SLC20A2: variants seen among roughly 807,000 people sequenced by gnomAD.
The protein encoded by SLC20A2 is sodium-dependent phosphate transporter 2.
In SLC20A2, 30 loss-of-function variants were observed where a neutral mutation model predicts 61.0. That is an observed-to-expected ratio of 0.49 (90% CI 0.37 to 0.67). The LOEUF is 0.67. SLC20A2 is among the 30% of genes least tolerant of loss of function. SLC20A2 has a pLI of 0.00. For synonymous variants in SLC20A2, 351 were observed against 353.3 expected, an observed-to-expected ratio of 0.99 and a Z score of 0.07; for missense variants, 626 against 866.4, an observed-to-expected ratio of 0.72 and a Z score of 3.48.
intron 8 of SLC20A2, among the ~76,000 whole-genome samples, chr8:42,434,534 A>T (rs1040695516): frequency 4.6e-5 from 7 of 152,070 alleles, no homozygotes; most frequent in African/African-American, 1.7e-4. Context: ...CTGAAACTGG[A>T]TTCCAATTTG....
intron 1 of SLC20A2, among the ~76,000 whole-genome samples, chr8:42,485,905 T>A (rs1309943732): frequency 6.7e-6 from 1 of 149,214 alleles, no homozygotes; most frequent in Admixed American, 6.7e-5. Flanking sequence ...GAGATTGCGC[T>A]GCTGCACTCC....
upstream of SLC20A2, chr8:42,501,518 C>G (rs1464129196): frequency 6.6e-6 from 1 of 152,208 alleles, no homozygotes; most frequent in African/African-American, 2.4e-5. Flanking sequence ...TCTTCACAAG[C>G]AAAAGCAAAG....
intron 1 of SLC20A2, chr8:42,538,221 A>G (rs1812830600): frequency 1.3e-5 from 2 of 148,664 alleles, no homozygotes; most frequent in Admixed American, 1.4e-4. Flanking sequence ...CTGTATATAT[A>G]CATGTATATT....
chr8:42,526,449 G>A lies in SLC20A2; in HGVS notation c.-265+15372C>T, dbSNP rs562305520. 5.3e-5 allele frequency among the ~76,000 whole-genome samples: 8 copies of A among 151,966 alleles called. No homozygotes were observed. The South Asian group carries it at 6.2e-4, about 12-fold the overall frequency. On this transcript the variant is annotated intron_variant, in intron 1 of 10. Transcript: ENST00000342228. ...AGGACTTTGGGAGGCCAAGGTGGGC[G>A]GATCACTAGGTCAGGAGATCGAGAC...
intron 1 of SLC20A2, among the ~76,000 whole-genome samples, chr8:42,479,336 A>G (rs1808389846): frequency 6.6e-6 from 1 of 152,170 alleles, no homozygotes; most frequent in Non-Finnish European, 1.5e-5. Context: ...TCACTCAGAG[A>G]AAGTATGAGT....
At chr8:42,506,130 G>A (rs530548632), upstream of SLC20A2, among the ~76,000 whole-genome samples, 92 of 152,142 alleles carry the variant, frequency 6.0e-4, no homozygotes, top group Non-Finnish European at 1.1e-3. Flanking sequence ...TAGTAGAGAC[G>A]GGGTTTCGCC....
At chr8:42,470,216 AT>A (rs556198459) in intron 2 of SLC20A2, among the ~76,000 whole-genome samples, 20,028 of 132,850 alleles carry the variant, frequency 0.15, 3,199 homozygotes, top group African/African-American at 0.43. Flanking sequence ...CTTGAACCTG[AT>A]TTTTTTTTTT....
At chr8:42,438,062 C>CAAAAAAAAAAAA (rs1563455695) in intron 7 of SLC20A2, among the ~76,000 whole-genome samples, 1 of 96,866 alleles carries the variant, frequency 1.0e-5, no homozygotes, top group Non-Finnish European at 2.1e-5. Context: ...AAAAAAAAAA[C>CAAAAAAAAAAAA]CAAAAAAAAA....
intron 1 of SLC20A2, chr8:42,537,568 T>C (rs1376435343): frequency 2.0e-5 from 3 of 152,226 alleles, no homozygotes; most frequent in Non-Finnish European, 2.9e-5. Context: ...AGTTTTTTGA[T>C]ACTAAATTAG....
At chr8:42,524,282 G>C (rs991407338) in intron 1 of SLC20A2, among the ~76,000 whole-genome samples, 1 of 152,038 alleles carries the variant, frequency 6.6e-6, no homozygotes, top group Non-Finnish European at 1.5e-5. Context: ...TTTTCCTTTT[G>C]AATATACTGA....
intron 3 of SLC20A2, among the ~76,000 whole-genome samples, chr8:42,464,952 C>T (rs1807038465): frequency 6.6e-6 from 1 of 152,126 alleles, no homozygotes; most frequent in African/African-American, 2.4e-5. Flanking sequence ...TCTAGCACTC[C>T]AGCCTGGGTG....
chr8:42,467,607 G>A (rs1310567709), intron 2 of SLC20A2, among the ~76,000 whole-genome samples: 2 of 152,196 alleles, frequency 1.3e-5, no homozygotes, highest in Non-Finnish European at 2.9e-5. Flanking sequence ...GGCTGTGCAG[G>A]ACCCAGTCCA....
chr8:42,508,516 G>A (rs1015198843), intron 1 of SLC20A2, among the ~76,000 whole-genome samples: 40 of 152,080 alleles, frequency 2.6e-4, no homozygotes, highest in African/African-American at 8.5e-4. Flanking sequence ...TCAGCCTCCC[G>A]AGTAGCTGGG....
chr8:42,523,758 A>C (rs765758464), intron 1 of SLC20A2, among the ~76,000 whole-genome samples: 1 of 152,198 alleles, frequency 6.6e-6, no homozygotes, highest in Non-Finnish European at 1.5e-5. Context: ...GTCCCAATGC[A>C]GGAAATTACA....
intron 1 of SLC20A2, among the ~76,000 whole-genome samples, chr8:42,507,493 G>T (rs1810779523): frequency 1.3e-5 from 2 of 152,180 alleles, no homozygotes; most frequent in South Asian, 4.1e-4. Flanking sequence ...AGTAAAGGCA[G>T]CATTATGACT....
chr8:42,506,520 T>A (rs1163491222), intron 1 of SLC20A2, among the ~76,000 whole-genome samples: 1 of 152,198 alleles, frequency 6.6e-6, no homozygotes, highest in Non-Finnish European at 1.5e-5. Flanking sequence ...GAAGGGCAAT[T>A]TGGGATATTT....
At chr8:42,541,159 C>G (rs1813103387) in intron 1 of SLC20A2, 1 of 152,242 alleles carries the variant, frequency 6.6e-6, no homozygotes, top group Non-Finnish European at 1.5e-5. Flanking sequence ...AGTCCCACCC[C>G]AAGCGCGCAC....
intron 6 of SLC20A2, among the ~76,000 whole-genome samples, chr8:42,440,446 A>C (rs148453863): frequency 6.3e-4 from 96 of 152,318 alleles, no homozygotes; most frequent in African/African-American, 2.3e-3. Flanking sequence ...AAATCCATCC[A>C]CGTTGTTACA....
chr8:42,510,453 A>G (rs1586238139), intron 1 of SLC20A2, among the ~76,000 whole-genome samples: 1 of 152,344 alleles, frequency 6.6e-6, no homozygotes, highest in East Asian at 1.9e-4. Flanking sequence ...CTCAGATAAT[A>G]GGAAAACTAT....
Sources: gnomAD v4.1 joint callset for allele counts (sites outside exome capture counted in the v4.1 genomes callset) on GRCh38, gnomAD v4.1.1 for gene constraint, MANE v1.5 for transcripts, NCBI Gene and HGNC (gene_info 2026-07-23, HGNC 2026-07-21) for gene names.